TG: variants seen among roughly 807,000 people sequenced by gnomAD.
TG encodes the protein thyroglobulin.
Under a neutral mutation model 324.7 loss-of-function variants are expected in TG, and 270 were observed. That is an observed-to-expected ratio of 0.83 (90% CI 0.75 to 0.92). TG has a LOEUF of 0.92. Among genes scored for constraint, TG ranks in the 40% least tolerant of loss-of-function variants. The pLI is 0.00. For synonymous variants in TG, 1,401 were observed against 1,327.0 expected (o/e 1.06, Z -1.21); for missense variants, 3,591 against 3,456.4 (o/e 1.04, Z -0.98).
At chr8:132,925,796 G>A (rs1821786350) in intron 22 of TG, among the ~76,000 whole-genome samples, 1 of 152,124 alleles carries the variant, frequency 6.6e-6, no homozygotes, top group African/African-American at 2.4e-5. Context: ...CTCTGTCAAT[G>A]GGTTGGCCTT....
In TG at chr8:133,058,460, G is replaced by A. The variant is rs902637775; in HGVS notation, c.7239+28437G>A. Among the ~76,000 whole-genome samples, 8 of 152,358 alleles carry A rather than the reference G, an allele frequency of 5.3e-5. No homozygotes were observed. In the South Asian group the frequency reaches 1.0e-3, roughly 20 times the overall value. ...TGAAAAGTTGAAGGCAAATGAGCAA[G>A]CCTTGGAGACTGATGTTTTCATGAG... is the stretch of plus-strand genomic sequence containing the variant. On this transcript the variant is annotated intron_variant, in intron 41 of 47. Transcript: ENST00000220616.
chr8:132,922,163 G>T (rs187642164), intron 21 of TG, among the ~76,000 whole-genome samples: 1 of 152,212 alleles, frequency 6.6e-6, no homozygotes, highest in African/African-American at 2.4e-5. Context: ...GTGATGTAAT[G>T]AATAGTATAA....
chr8:132,925,101 T>G (rs749563657), intron 22 of TG, among the ~76,000 whole-genome samples: 3 of 152,230 alleles, frequency 2.0e-5, no homozygotes, highest in Non-Finnish European at 4.4e-5. Context: ...GGGCTTACTG[T>G]GTGCCAGGTG....
chr8:132,960,540 G>A (rs141120404), intron 27 of TG, among the ~76,000 whole-genome samples: 76 of 152,348 alleles, frequency 5.0e-4, no homozygotes, highest in African/African-American at 1.8e-3. Context: ...AGTTGTGGCA[G>A]CCGCCAACAA....
Position 132,901,387 on chromosome 8 carries a change from C to A in TG, c.3468C>A (p.Val1156=). Residue 1156 remains valine, a synonymous_variant, in exon 16 of 48, where the codon GTC becomes GTA. Transcript: ENST00000220616. ...TCTGCAATGTGCTCAAGAGTGGAGT[C>A]CTCTCCAGGAGAGTCAGCCCAGGCT... is the stretch of plus-strand genomic sequence containing the variant. ...PSLCNVLKSG[V]LSRRVSPGYV... The A allele has an allele frequency of 6.2e-7, 1 of 1,614,194 alleles. No individual in the cohort carries two copies. Among genetic ancestry groups the A allele is most frequent in the Non-Finnish European group, 8.5e-7 (1 of 1,180,044 alleles).
rs2076740 is a variant in TG, at chr8:132,971,813, C to T, written c.5995C>T (p.Arg1999Trp). The T allele has an allele frequency of 0.34, 541,523 of 1,610,356 alleles. 93,906 individuals carry two copies. The highest frequency in any genetic ancestry group is 0.5 in the African/African-American group (37,399 of 74,838). ...TGCCAGGTTCTTTGAATGTGAACGACGGTGCGATGCGGACCCATGCTGCAC... is the reference window on the plus strand; with the variant it reads ...TGCCAGGTTCTTTGAATGTGAACGATGGTGCGATGCGGACCCATGCTGCAC... ...ISNGFFECER[R>W]CDADPCCTGF... The change falls in exon 33 of 48, where the codon CGG (arginine) becomes TGG (tryptophan). Residue 1999 changes from arginine to tryptophan, a missense_variant. Transcript: ENST00000220616.
chr8:133,058,956 G>T (rs1158292306), intron 41 of TG: 1 of 480,636 alleles, frequency 2.1e-6, no homozygotes, highest in Non-Finnish European at 4.2e-6. Context: ...TGCTGGCTTG[G>T]GGGCATTGGA....
chr8:132,893,965 G>A (rs72727406), intron 11 of TG, 36 bp downstream of exon 11: 183,280 of 1,613,520 alleles, frequency 0.11, 12,157 homozygotes, highest in Admixed American at 0.22. Context: ...TTACTGCATC[G>A]CTTTGGAAAA....
At chr8:132,957,784 C>CA (rs1336885634) in intron 27 of TG, among the ~76,000 whole-genome samples, 1 of 145,744 alleles carries the variant, frequency 6.9e-6, no homozygotes, top group African/African-American at 2.7e-5. Flanking sequence ...CACACACACA[C>CA]GTATGTATAT....
At chr8:133,037,582 C>T (rs1837320391) in intron 41 of TG, 2 of 151,978 alleles carry the variant, frequency 1.3e-5, no homozygotes, top group South Asian at 4.1e-4. Context: ...TTTGTTTATA[C>T]ATTTTTTCCC....
At chr8:132,931,563 G>C (rs571049081) in intron 23 of TG, among the ~76,000 whole-genome samples, 82 of 152,274 alleles carry the variant, frequency 5.4e-4, no homozygotes, top group African/African-American at 1.9e-3. Flanking sequence ...TGGATTGTTG[G>C]GGGTGTGAGG....
intron 41 of TG, among the ~76,000 whole-genome samples, chr8:133,062,508 G>A (rs190294687): frequency 6.6e-6 from 1 of 152,388 alleles, no homozygotes; most frequent in Non-Finnish European, 1.5e-5. Context: ...CCTTGAGGAA[G>A]TCAGGATCCC....
chr8:132,889,857 A>C (rs1439080521), intron 10 of TG, among the ~76,000 whole-genome samples: 1 of 151,838 alleles, frequency 6.6e-6, no homozygotes, highest in Non-Finnish European at 1.5e-5. Flanking sequence ...GCTCACTGTA[A>C]CCTCCGCCTC....
At chr8:132,884,248 C>A (rs950889039) in intron 8 of TG, among the ~76,000 whole-genome samples, 1 of 152,186 alleles carries the variant, frequency 6.6e-6, no homozygotes, top group Non-Finnish European at 1.5e-5. Flanking sequence ...CTATTCAACC[C>A]AGTATGGGGC....
intron 41 of TG, among the ~76,000 whole-genome samples, chr8:133,070,931 A>C (rs191498811): frequency 7.9e-5 from 12 of 152,246 alleles, no homozygotes; most frequent in Non-Finnish European, 1.3e-4. Context: ...AATTTATCTC[A>C]ATTGTTTCCC....
At chr8:133,107,703 G>A (rs1306875594) in intron 43 of TG, among the ~76,000 whole-genome samples, 1 of 152,096 alleles carries the variant, frequency 6.6e-6, no homozygotes, top group Non-Finnish European at 1.5e-5. Flanking sequence ...CCAAAATATT[G>A]ACCAGTCATC....
At chr8:133,093,147 T>TCTTTTCTTTTCTTTTCTTTTCTTTTC (rs1564180977) in intron 41 of TG, among the ~76,000 whole-genome samples, 7 of 149,796 alleles carry the variant, frequency 4.7e-5, no homozygotes, top group African/African-American at 1.8e-4. Flanking sequence ...TTCTTTTTTT[T>TCTTTTCTTTTCTTTTCTTTTCTTTTC]TTTTAATTTA....
rs1305032741 is a variant in TG at position 132,969,458 on chromosome 8, T to C, written c.5864T>C (p.Val1955Ala). The change falls in exon 32 of 48, where the codon GTT becomes GCT. Residue 1955 changes from valine to alanine, a missense_variant and splice_region_variant. Val to Ala is a moderately conservative substitution (Grantham distance 64, BLOSUM62 0). Coordinates refer to ENST00000220616, the MANE Select transcript of TG (RefSeq NM_003235.5). Reference sequence around the variant, plus strand: ...GTATTTTCTTTCTTCCTCTATGAAGTTATACTGGAAGATAAAGTGAAGAAC... The same window carrying C: ...GTATTTTCTTTCTTCCTCTATGAAGCTATACTGGAAGATAAAGTGAAGAAC... ...QMPKALFRKK[V>A]ILEDKVKNFY... 1 of 1,605,340 alleles carries C rather than the reference T, an allele frequency of 6.2e-7. No individual in the cohort carries two copies. Among genetic ancestry groups the C allele is most frequent in the East Asian group, 2.2e-5 (1 of 44,838 alleles).
intron 12 of TG, 100 bp from the exon 13 acceptor site, chr8:132,898,069 C>G (rs1817379467): frequency 8.3e-7 from 1 of 1,201,254 alleles, no homozygotes; most frequent in Non-Finnish European, 1.2e-6. Context: ...GGCGACCAGG[C>G]TTGCACTGCT....
Sources: gnomAD v4.1 joint callset for allele counts (sites outside exome capture counted in the v4.1 genomes callset) on GRCh38, gnomAD v4.1.1 for gene constraint, MANE v1.5 for transcripts, NCBI Gene and HGNC (gene_info 2026-07-23, HGNC 2026-07-21) for gene names.